IRAG1: variants seen among roughly 807,000 people sequenced by gnomAD.
The protein encoded by IRAG1 is IP3R-associated cGMP kinase substrate.
IRAG1 carries 62 observed loss-of-function variants against 106.2 expected under a neutral mutation model. The ratio of observed to expected loss-of-function variants is 0.58; its 90% CI spans 0.48 to 0.72. IRAG1 has a LOEUF of 0.72. Ranked by LOEUF, IRAG1 falls within the 30% of genes least tolerant of loss-of-function variation. IRAG1 has a pLI of 0.00. For missense variants in IRAG1, 1,064 were observed against 1,140.7 expected (o/e 0.93, Z 0.97); for synonymous variants, 462 against 443.9 (o/e 1.04, Z -0.51).
chr11:10,663,458 A>G (rs1289448575), intron 1 of IRAG1, among the ~76,000 whole-genome samples: 1 of 152,158 alleles, frequency 6.6e-6, no homozygotes, highest in African/African-American at 2.4e-5. Flanking sequence ...GTGCCTGCCT[A>G]AATCATTCAC....
At chr11:10,661,774 A>G (rs2135019681) in intron 1 of IRAG1, among the ~76,000 whole-genome samples, 1 of 152,230 alleles carries the variant, frequency 6.6e-6, no homozygotes, top group South Asian at 2.1e-4. Flanking sequence ...ATCTCCATCT[A>G]AGTATTCCCA....
intron 1 of IRAG1, among the ~76,000 whole-genome samples, chr11:10,677,995 ATCTATCTC>A (rs1035547109): frequency 6.8e-6 from 1 of 146,078 alleles, no homozygotes; most frequent in Admixed American, 6.9e-5. Flanking sequence ...TTCCATCATT[ATCTATCTC>A]TCTATCTGTC....
In IRAG1 at chr11:10,623,761, G is replaced by T. The variant is rs775663318; in HGVS notation, c.1447+17C>A. On this transcript the variant is annotated intron_variant, in intron 10 of 20. Coordinates refer to ENST00000423302, the MANE Select transcript of IRAG1 (RefSeq NM_130385.4). ...ATCAGCACTCGCTGAGACAGCATCT[G>T]CCCCAACCCCACCTACCTTTTTCCT... The T allele has an allele frequency of 3.0e-5, 48 of 1,612,958 alleles. 1 individual carries two copies. In the South Asian group the frequency reaches 4.9e-4, roughly 17 times the overall value.
In IRAG1 at chr11:10,626,256, A is replaced by T. The variant is rs752838854; in HGVS notation, c.1078T>A (p.Ser360Thr). The T allele has an allele frequency of 6.2e-7, 1 of 1,608,826 alleles. No homozygotes were observed. The highest frequency in any genetic ancestry group is 2.2e-5 in the East Asian group (1 of 44,732). Residue 360 changes from serine to threonine, a missense_variant, in exon 9 of 21, where the codon TCC (serine) becomes ACC (threonine). Transcript: ENST00000423302. ...QDAAGVGPPA[S>T]QGRGPAGEPM... ...TCTCCAGCTGGGCCTCTCCCCTGGG[A>T]GGCTGGGGGACCCACTCCTGCCGCA... is the stretch of plus-strand genomic sequence containing the variant.
intron 1 of IRAG1, among the ~76,000 whole-genome samples, chr11:10,673,937 T>A (rs1381115813): frequency 6.6e-6 from 1 of 151,718 alleles, no homozygotes; most frequent in African/African-American, 2.4e-5. Context: ...ATAAGAAGAC[T>A]AAGAGAAATA....
intron 19 of IRAG1, 106 bp from the exon 20 acceptor site, chr11:10,580,695 G>T: frequency 7.5e-7 from 1 of 1,330,430 alleles, no homozygotes; most frequent in East Asian, 2.3e-5. Context: ...ATAATTATGT[G>T]CTTCCTATGG....
chr11:10,676,889 C>T (rs768917912), intron 1 of IRAG1, among the ~76,000 whole-genome samples: 20 of 152,226 alleles, frequency 1.3e-4, no homozygotes, highest in Non-Finnish European at 2.5e-4. Context: ...TGCTCTGGGG[C>T]GAGCGGTGTT....
At chr11:10,629,323 A>G (rs1314146302) in intron 5 of IRAG1, among the ~76,000 whole-genome samples, 1 of 152,074 alleles carries the variant, frequency 6.6e-6, no homozygotes, top group Non-Finnish European at 1.5e-5. Context: ...CCCAAAGACC[A>G]TCTCCTCTTC....
intron 20 of IRAG1, among the ~76,000 whole-genome samples, chr11:10,578,973 T>G (rs1591530300): frequency 6.6e-6 from 1 of 152,160 alleles, no homozygotes; most frequent in East Asian, 1.9e-4. Flanking sequence ...TTGACTGCAT[T>G]AAAGGGGAGG....
At chr11:10,578,334 T>C (rs780226078) in intron 20 of IRAG1, among the ~76,000 whole-genome samples, 2 of 152,272 alleles carry the variant, frequency 1.3e-5, no homozygotes, top group Non-Finnish European at 2.9e-5. Flanking sequence ...TTGTCCCTTA[T>C]GAGTCTCACT....
chr11:10,621,059 T>G (rs1418187352), intron 10 of IRAG1, among the ~76,000 whole-genome samples: 1 of 152,140 alleles, frequency 6.6e-6, no homozygotes, highest in African/African-American at 2.4e-5. Flanking sequence ...GAAGAAAAAT[T>G]GTTAGTTTTT....
At chr11:10,644,531 C>G (rs569152569) in intron 2 of IRAG1, among the ~76,000 whole-genome samples, 6 of 152,132 alleles carry the variant, frequency 3.9e-5, no homozygotes, top group Admixed American at 2.6e-4. Flanking sequence ...AGTATAGTGC[C>G]CTTACCTGCC....
chr11:10,665,964 G>C lies in IRAG1; in HGVS notation c.68-13782C>G, dbSNP rs111374534. ...ACAGTGATATGCAATGGCAGGGGTG[G>C]GTGGAAGCCGGGAGGGTAGAGCCTG... On this transcript the variant is annotated intron_variant, in intron 1 of 20. Transcript: ENST00000423302. The surrounding 1 kb of genome is among the most constrained non-coding windows in gnomAD (Gnocchi z 4.2). Among the ~76,000 whole-genome samples, 457 of 152,310 alleles carry C rather than the reference G, an allele frequency of 3.0e-3. 4 individuals are homozygous for C. Among genetic ancestry groups the C allele is most frequent in the African/African-American group, 0.01 (423 of 41,558 alleles).
intron 15 of IRAG1, among the ~76,000 whole-genome samples, chr11:10,594,852 A>ATC: frequency 6.6e-6 from 1 of 152,102 alleles, no homozygotes; most frequent in Non-Finnish European, 1.5e-5. Context: ...TAGCCTGCAT[A>ATC]TCTCTCTCTT....
At chr11:10,643,153 G>A (rs1166401569) in intron 2 of IRAG1, among the ~76,000 whole-genome samples, 2 of 127,804 alleles carry the variant, frequency 1.6e-5, no homozygotes, top group African/African-American at 3.1e-5. Flanking sequence ...CTCCAGCCTG[G>A]GCGACAGAGT....
At chr11:10,607,784 GAT>G (rs1317363546) in intron 11 of IRAG1, among the ~76,000 whole-genome samples, 1 of 152,166 alleles carries the variant, frequency 6.6e-6, no homozygotes, top group African/African-American at 2.4e-5. Context: ...CCTAGGGAAT[GAT>G]ATGAGTGCCT....
At chr11:10,604,934 G>T (rs966888920) in intron 12 of IRAG1, among the ~76,000 whole-genome samples, 1 of 152,230 alleles carries the variant, frequency 6.6e-6, no homozygotes, top group African/African-American at 2.4e-5. Context: ...GGGTTTTGGA[G>T]ATTTTGCAGG....
chr11:10,576,682 A>C (rs1364738), intron 20 of IRAG1, 107 bp from the exon 21 acceptor site: 156,260 of 1,426,056 alleles, frequency 0.11, 9,625 homozygotes, highest in Admixed American at 0.14. Flanking sequence ...CTTGAGCAAT[A>C]GTTCTCAAAC....
chr11:10,602,990 A>C (rs1854161715), intron 14 of IRAG1, 130 bp downstream of exon 14: 1 of 1,012,096 alleles, frequency 9.9e-7, no homozygotes, highest in Admixed American at 2.6e-5. Context: ...TACTGCAATG[A>C]TGTGCATAGG....
Sources: gnomAD v4.1 joint callset for allele counts (sites outside exome capture counted in the v4.1 genomes callset) on GRCh38, gnomAD v4.1.1 for gene constraint, Gnocchi (gnomAD v3.1) non-coding constraint, MANE v1.5 for transcripts, NCBI Gene and HGNC (gene_info 2026-07-23, HGNC 2026-07-21) for gene names.